CYTH4: variants seen among roughly 807,000 people sequenced by gnomAD.
CYTH4 encodes cytohesin 4, also known as cytohesin-4.
In CYTH4, 22 loss-of-function variants were observed where a neutral mutation model predicts 57.5. That is an observed-to-expected ratio of 0.38 (90% confidence interval 0.27 to 0.55). The LOEUF is 0.55. Ranked by LOEUF, CYTH4 falls within the 20% of genes least tolerant of loss-of-function variation. The pLI is 0.74. For missense variants in CYTH4, 420 were observed against 535.6 expected, an observed-to-expected ratio of 0.78 and a Z score of 2.13; for synonymous variants, 186 against 206.5, an observed-to-expected ratio of 0.90 and a Z score of 0.85.
chr22:37,287,034 G>A (rs751444726), intron 1 of CYTH4, among the ~76,000 whole-genome samples: 1 of 152,106 alleles, frequency 6.6e-6, no homozygotes, highest in Non-Finnish European at 1.5e-5. Context: ...AGTGCCTCCT[G>A]GGGAAATGTG....
At chr22:37,304,363 T>G (rs1163711867) in intron 8 of CYTH4, 2 of 435,912 alleles carry the variant, frequency 4.6e-6, no homozygotes, top group Non-Finnish European at 9.4e-6. Context: ...GCCTCAGGAG[T>G]TTGCCTGTTT....
chr22:37,294,588 T>C, intron 2 of CYTH4, 72 bp from the exon 3 acceptor site: 6 of 1,561,338 alleles, frequency 3.8e-6, no homozygotes, highest in Non-Finnish European at 4.4e-6. Flanking sequence ...GGAGTGGTCC[T>C]TGTGGTCTCA....
intron 1 of CYTH4, among the ~76,000 whole-genome samples, chr22:37,286,671 G>C (rs1168363576): frequency 6.6e-6 from 1 of 152,140 alleles, no homozygotes; most frequent in Non-Finnish European, 1.5e-5. Context: ...CTGGGTACAA[G>C]GAATGGTGGT....
Position 37,311,570 on chromosome 22 carries a change from G to T in CYTH4, c.957+43G>T. 6.3e-7 allele frequency: 1 copy of T among 1,596,158 alleles called. No homozygotes were observed. On this transcript the variant is annotated intron_variant, in intron 11 of 12. Transcript: ENST00000248901. The surrounding 1 kb of genome is among the most constrained non-coding windows in gnomAD (Gnocchi z 4.4). ...AGGATCCCGAGGCTGGAGCCACTGG[G>T]AAATTTCCTAAACAGAACGTGGGGA...
In CYTH4 at chr22:37,297,670, A is replaced by C. The variant is rs1006239567; in HGVS notation, c.341A>C (p.Tyr114Ser). 1 of 1,613,452 alleles carries C rather than the reference A, an allele frequency of 6.2e-7. No homozygotes were observed. Among genetic ancestry groups the C allele is most frequent in the Non-Finnish European group, 8.5e-7 (1 of 1,179,604 alleles). Residue 114 changes from tyrosine to serine, a missense_variant, in exon 5 of 13, where the codon TAC becomes TCC. Physicochemically the swap from Tyr to Ser is moderately radical, Grantham distance 144. Transcript: ENST00000248901. ...CTCAACAAGACAGCCATTGGTACCT[A>C]CCTGGGGGAGAGGTAAGAACGAGTG... Reference protein sequence around the residue: ...EGLNKTAIGTYLGERDPINLQ... With the variant: ...EGLNKTAIGTSLGERDPINLQ...
chr22:37,312,385 C>T (rs1929680550), intron 12 of CYTH4, among the ~76,000 whole-genome samples: 1 of 152,214 alleles, frequency 6.6e-6, no homozygotes, highest in African/African-American at 2.4e-5. Flanking sequence ...GGAGAGACCA[C>T]CTGCATGGGG....
Position 37,309,225 on chromosome 22 carries a change from G to T in CYTH4, c.710G>T (p.Ser237Ile). The T allele has an allele frequency of 6.2e-7, 1 of 1,614,064 alleles. No homozygotes were observed. Among genetic ancestry groups the T allele is most frequent in the Non-Finnish European group, 8.5e-7 (1 of 1,179,936 alleles). ...GTCTTGGGGCAGAACCTCTTCGACA[G>T]CATCAAGAGTGAGCCATTCTCCATC... ...PEDQLRNLFD[S>I]IKSEPFSIPE... is the part of the protein sequence containing the mutation. Residue 237 changes from serine (S) to isoleucine (I), a missense_variant, in exon 9 of 13, where the codon AGC (serine) becomes ATC (isoleucine). Coordinates refer to ENST00000248901, the MANE Select transcript of CYTH4 (RefSeq NM_013385.5).
At chr22:37,301,089 C>G (rs1378321024) in intron 7 of CYTH4, 70 bp downstream of exon 7, 1 of 1,378,200 alleles carries the variant, frequency 7.3e-7, no homozygotes, top group Non-Finnish European at 1.0e-6. Flanking sequence ...ATTTCACAGA[C>G]CCCCTCAGGT....
chr22:37,299,283 C>A lies in CYTH4; in HGVS notation c.411C>A (p.Asn137Lys). 1 of 1,613,352 alleles carries A rather than the reference C, an allele frequency of 6.2e-7. No homozygotes were observed. Among genetic ancestry groups the A allele is most frequent in the Non-Finnish European group, 8.5e-7 (1 of 1,179,570 alleles). The change falls in exon 6 of 13, where the codon AAC becomes AAA. Residue 137 changes from asparagine to lysine, a missense_variant. Physicochemically the swap from Asn to Lys is moderately conservative, Grantham distance 94. Coordinates refer to ENST00000248901, the MANE Select transcript of CYTH4 (RefSeq NM_013385.5). Reference protein sequence around the residue: ...QAFVDCHEFANLNLVQALRQF... With the variant: ...QAFVDCHEFAKLNLVQALRQF... The stretch of plus-strand genomic sequence containing the variant: ...TCGTGGACTGCCACGAGTTCGCCAA[C>A]CTCAACCTCGTCCAGGCCCTCAGGT...
intron 6 of CYTH4, chr22:37,300,366 G>A (rs996198218): frequency 3.1e-6 from 2 of 648,124 alleles, no homozygotes; most frequent in Non-Finnish European, 5.6e-6. Flanking sequence ...TTTGCTAGGT[G>A]CCCAGGACTG....
At chr22:37,308,756 G>C (rs1929515264) in intron 8 of CYTH4, among the ~76,000 whole-genome samples, 1 of 151,866 alleles carries the variant, frequency 6.6e-6, no homozygotes, top group African/African-American at 2.4e-5. Context: ...GTGTGTGCAT[G>C]TATGTGTGAG....
intron 8 of CYTH4, among the ~76,000 whole-genome samples, chr22:37,308,598 G>T (rs377433186): frequency 2.0e-5 from 3 of 151,580 alleles, no homozygotes; most frequent in African/African-American, 7.2e-5. Context: ...ATGTGTCTGA[G>T]TGTGCATGTA....
Position 37,311,482 on chromosome 22 carries a change from T to G in CYTH4, c.912T>G (p.Pro304=). The part of the protein sequence containing the change: ...TTDKEPRGII[P]LENLSVQKVD... ...ACAAGGAGCCACGGGGAATTATACC[T>G]CTTGAGAACCTCTCGGTGCAGAAGG... The change falls in exon 11 of 13, where the codon CCT becomes CCG. Residue 304 remains proline, a synonymous_variant. Transcript: ENST00000248901. The surrounding 1 kb of genome is among the most constrained non-coding windows in gnomAD (Gnocchi z 4.4). 6.2e-7 allele frequency: 1 copy of G among 1,613,832 alleles called. No homozygotes were observed. The highest frequency in any genetic ancestry group is 1.6e-4 in the Middle Eastern group (1 of 6,062).
intron 12 of CYTH4, 142 bp downstream of exon 12, chr22:37,312,316 T>A: frequency 8.2e-7 from 1 of 1,214,948 alleles, no homozygotes; most frequent in Non-Finnish European, 1.1e-6. Context: ...CTTCCACCCG[T>A]ATTCCATGGG....
At chr22:37,293,116 T>C (rs1928811618) in intron 2 of CYTH4, among the ~76,000 whole-genome samples, 1 of 152,258 alleles carries the variant, frequency 6.6e-6, no homozygotes, top group South Asian at 2.1e-4. Flanking sequence ...TCAGCTCATC[T>C]GGGTCAGCAG....
chr22:37,296,933 C>G (rs763079), intron 4 of CYTH4, among the ~76,000 whole-genome samples: 5,253 of 152,296 alleles, frequency 0.034, 116 homozygotes, highest in Middle Eastern at 0.051. Context: ...ACTCCTAAAA[C>G]TAGGATGACA....
Position 37,295,833 on chromosome 22 carries a change from CT to C in CYTH4, c.168-164del, listed in dbSNP as rs1399606371. ...TGCAGAGCTCTGGGAGGAGCCAGGC[CT>C]TGCACTGCTCTCTCCCGCCCAGGTG... On this transcript the variant is annotated intron_variant, in intron 3 of 12. Coordinates refer to ENST00000248901, the MANE Select transcript of CYTH4 (RefSeq NM_013385.5). The surrounding 1 kb of genome is among the most constrained non-coding windows in gnomAD (Gnocchi z 4.1). 6.6e-6 allele frequency among the ~76,000 whole-genome samples: 1 copy of C among 152,210 alleles called. No homozygotes were observed. The highest frequency in any genetic ancestry group is 2.4e-5 in the African/African-American group (1 of 41,466).
chr22:37,295,322 C>T lies in CYTH4; in HGVS notation c.167+598C>T, dbSNP rs918710797. 1.3e-5 allele frequency among the ~76,000 whole-genome samples: 2 copies of T among 151,916 alleles called. No homozygotes were observed. Among genetic ancestry groups the T allele is most frequent in the African/African-American group, 2.4e-5 (1 of 41,338 alleles). ...TCCTGGCAATTTCCCATCCTGCGCC[C>T]GCCACTCCTTAGGTCTCCACCTGTC... On this transcript the variant is annotated intron_variant, in intron 3 of 12. Coordinates refer to ENST00000248901, the MANE Select transcript of CYTH4 (RefSeq NM_013385.5). This position sits in a 1 kb window ranked among gnomAD's most constrained non-coding sequence, Gnocchi z 4.1.
intron 1 of CYTH4, 173 bp from the exon 2 acceptor site, chr22:37,292,448 A>G: frequency 1.7e-6 from 1 of 597,562 alleles, no homozygotes; most frequent in Non-Finnish European, 3.0e-6. Context: ...GCAGGAGAGG[A>G]GGGAGCAGGG....
Sources: gnomAD v4.1 joint callset for allele counts (sites outside exome capture counted in the v4.1 genomes callset) on GRCh38, gnomAD v4.1.1 for gene constraint, Gnocchi (gnomAD v3.1) non-coding constraint, MANE v1.5 for transcripts, NCBI Gene and HGNC (gene_info 2026-07-23, HGNC 2026-07-21) for gene names.